Variants in SGCG observed in about 807,000 individuals in gnomAD.
SGCG encodes the protein sarcoglycan gamma, also known as gamma-sarcoglycan.
In SGCG, 26 loss-of-function variants were observed where a neutral mutation model predicts 29.3. The ratio of observed to expected loss-of-function variants is 0.89; its 90% confidence interval spans 0.65 to 1.23. The LOEUF is 1.23. SGCG is among the 50% of genes most tolerant of loss of function. SGCG has a pLI of 0.00. For synonymous variants in SGCG, 145 were observed against 129.7 expected (o/e 1.12, Z -0.80); for missense variants, 353 against 356.0 (o/e 0.99, Z 0.07).
chr13:23,161,451 A>C, the SGCG span, among the ~76,000 whole-genome samples: 1 of 152,224 alleles, frequency 6.6e-6, no homozygotes, highest in South Asian at 2.1e-4. Flanking sequence ...TTCATGTACT[A>C]ATACTCCTGG....
At chr13:23,197,056 A>G (rs1209355550) in intron 1 of SGCG, among the ~76,000 whole-genome samples, 1 of 152,112 alleles carries the variant, frequency 6.6e-6, no homozygotes, top group Non-Finnish European at 1.5e-5. Context: ...TTGCCTTATT[A>G]TGATCTGTGT....
At chr13:23,210,515 C>T (rs1467616129) in intron 2 of SGCG, among the ~76,000 whole-genome samples, 1 of 151,988 alleles carries the variant, frequency 6.6e-6, no homozygotes, top group African/African-American at 2.4e-5. Context: ...CACAGTGAAA[C>T]CCTGTCTCTA....
chr13:23,219,108 C>T (rs1385392369), intron 2 of SGCG, among the ~76,000 whole-genome samples: 24 of 149,822 alleles, frequency 1.6e-4, no homozygotes, highest in Non-Finnish European at 2.5e-4. Context: ...AGTGCAGTGG[C>T]ACGATCTCAG....
At chr13:23,206,502 A>C (rs1196719569) in intron 2 of SGCG, among the ~76,000 whole-genome samples, 2 of 152,202 alleles carry the variant, frequency 1.3e-5, no homozygotes, top group Non-Finnish European at 2.9e-5. Context: ...TTTCTTGTTT[A>C]AGGTTGAATA....
At chr13:23,248,712 G>A (rs1419663922) in intron 3 of SGCG, among the ~76,000 whole-genome samples, 7 of 147,098 alleles carry the variant, frequency 4.8e-5, no homozygotes, top group Non-Finnish European at 4.5e-5. Flanking sequence ...AAAAAAAAAG[G>A]CCGGGTTCGG....
Position 23,305,500 on chromosome 13 carries a change from T to G in SGCG, c.578+10013T>G, listed in dbSNP as rs562170983. On this transcript the variant is annotated intron_variant, in intron 6 of 7. Coordinates refer to ENST00000218867, the MANE Select transcript of SGCG (RefSeq NM_000231.3). ...ATAGTTTTACACCTTATTTTCCAAG[T>G]ATAATATCTCTAATCAATTTCTCTT... 9.8e-5 allele frequency among the ~76,000 whole-genome samples: 15 copies of G among 152,334 alleles called. No homozygotes were observed. The South Asian group carries it at 2.7e-3, about 27-fold the overall frequency.
At chr13:23,278,926 A>T (rs1292423195) in intron 4 of SGCG, among the ~76,000 whole-genome samples, 1 of 152,184 alleles carries the variant, frequency 6.6e-6, no homozygotes, top group Admixed American at 6.5e-5. Context: ...TCAGGATATG[A>T]TTTATCTTCT....
Position 23,258,929 on chromosome 13 carries a change from T to C in SGCG, c.385+8212T>C, listed in dbSNP as rs1272621213. On this transcript the variant is annotated intron_variant, in intron 4 of 7. Coordinates refer to ENST00000218867, the MANE Select transcript of SGCG (RefSeq NM_000231.3). The stretch of plus-strand genomic sequence containing the variant: ...ATCTTGGTGGCTAAGCTTTTTGATG[T>C]GCTGCTGGATTTGGTTTGCCAGTAT... Among the ~76,000 whole-genome samples the C allele has an allele frequency of 2.6e-5, 4 of 152,330 alleles. No individual in the cohort carries two copies. In the East Asian group the frequency reaches 7.7e-4, roughly 29 times the overall value.
At position 23,297,586 on chromosome 13, in the gene SGCG, G is replaced by GT. The variant is rs533528541; in HGVS notation, c.578+2102dup. The stretch of plus-strand genomic sequence containing the variant: ...CAGATTGCTCATGCTATTGTTTGTG[G>GT]TTTAAGAACGCCTTTAAGCGGTTTT... On this transcript the variant is annotated intron_variant, in intron 6 of 7. Coordinates refer to ENST00000218867, the MANE Select transcript of SGCG (RefSeq NM_000231.3). Among the ~76,000 whole-genome samples the GT allele has an allele frequency of 1.3e-4, 20 of 152,336 alleles. 1 individual carries two copies. In the East Asian group the frequency reaches 3.9e-3, roughly 29 times the overall value.
chr13:23,241,961 A>G (rs766072864), intron 3 of SGCG, among the ~76,000 whole-genome samples: 2 of 152,328 alleles, frequency 1.3e-5, no homozygotes, highest in African/African-American at 2.4e-5. Context: ...AACATAAAAC[A>G]ATAGAGGAAA....
At chr13:23,188,785 T>G (rs760989331) in intron 1 of SGCG, among the ~76,000 whole-genome samples, 1 of 152,182 alleles carries the variant, frequency 6.6e-6, no homozygotes, top group South Asian at 2.1e-4. Context: ...CATGGGCCTA[T>G]GAAGCTCTGC....
At chr13:23,173,812 A>G in the SGCG span, among the ~76,000 whole-genome samples, 1 of 152,232 alleles carries the variant, frequency 6.6e-6, no homozygotes, top group Non-Finnish European at 1.5e-5. Flanking sequence ...AGATGAATGT[A>G]AAAGGAAATA....
intron 2 of SGCG, among the ~76,000 whole-genome samples, chr13:23,224,450 C>G (rs1878812259): frequency 6.6e-6 from 1 of 152,168 alleles, no homozygotes; most frequent in Admixed American, 6.5e-5. Flanking sequence ...TATGATGTTC[C>G]AGGCACAGCG....
intron 2 of SGCG, among the ~76,000 whole-genome samples, chr13:23,230,200 G>T (rs996964708): frequency 1.3e-5 from 2 of 152,196 alleles, no homozygotes; most frequent in Admixed American, 6.5e-5. Flanking sequence ...AGTACAGTTT[G>T]AAGTTGGGCA....
chr13:23,288,532 GA>G (rs1881587347), intron 5 of SGCG, among the ~76,000 whole-genome samples: 2 of 152,056 alleles, frequency 1.3e-5, no homozygotes, highest in African/African-American at 4.8e-5. Flanking sequence ...AGTCAACTAG[GA>G]TACTGAATAA....
intron 1 of SGCG, among the ~76,000 whole-genome samples, chr13:23,189,428 T>C (rs618178): frequency 0.51 from 78,147 of 152,050 alleles, 20,371 homozygotes; most frequent in Admixed American, 0.57. Context: ...CCACCTGCCT[T>C]GGCCTCCAAA....
intron 6 of SGCG, among the ~76,000 whole-genome samples, chr13:23,299,655 T>C (rs539765579): frequency 2.0e-4 from 30 of 151,264 alleles, no homozygotes; most frequent in Admixed American, 7.9e-4. Flanking sequence ...GGTTTCACTG[T>C]GTTAGCCAGG....
the SGCG span, among the ~76,000 whole-genome samples, chr13:23,160,649 A>G: frequency 6.6e-6 from 1 of 152,144 alleles, no homozygotes; most frequent in Non-Finnish European, 1.5e-5. Flanking sequence ...TACAGCAGGT[A>G]AAGAGAATAG....
intron 2 of SGCG, among the ~76,000 whole-genome samples, chr13:23,223,297 A>AAG (rs1391373094): frequency 7.0e-6 from 1 of 142,502 alleles, no homozygotes; most frequent in Non-Finnish European, 1.5e-5. Context: ...AAAAAAAAAA[A>AAG]AGAGTACAAA....
Sources: gnomAD v4.1 joint callset for allele counts (sites outside exome capture counted in the v4.1 genomes callset) on GRCh38, gnomAD v4.1.1 for gene constraint, MANE v1.5 for transcripts, NCBI Gene and HGNC (gene_info 2026-07-23, HGNC 2026-07-21) for gene names.